LMO1: variants seen among roughly 807,000 people sequenced by gnomAD.
LMO1 encodes the protein rhombotin-1.
In LMO1, 10 loss-of-function variants were observed where a neutral mutation model predicts 18.0. That is an observed-to-expected ratio of 0.55 (90% CI 0.34 to 0.94). The LOEUF (loss-of-function observed/expected upper bound fraction) is 0.94. LMO1 is among the 40% of genes least tolerant of loss of function. The pLI, the probability that LMO1 is intolerant of heterozygous loss-of-function variation, is 0.02. For missense variants in LMO1, 183 were observed against 205.7 expected (o/e 0.89, Z 0.68); for synonymous variants, 77 against 77.9 (o/e 0.99, Z 0.06).
intron 1 of LMO1, among the ~76,000 whole-genome samples, chr11:8,244,131 G>A (rs1846846901): frequency 6.6e-6 from 1 of 152,216 alleles, no homozygotes; most frequent in Non-Finnish European, 1.5e-5. Flanking sequence ...CGGGCCTGCA[G>A]GGGCTTCACA....
rs201112752 is a variant in LMO1, at chr11:8,233,910, G to GA, written c.26-3407dup. On this transcript the variant is annotated intron_variant, in intron 1 of 3. Transcript: ENST00000335790. ...TCCTTTTAATGTACTCCTGACTTTA[G>GA]AAAAAAATGGCTTTGCGCTCCTTCA... 6.7e-3 allele frequency among the ~76,000 whole-genome samples: 1,017 copies of GA among 152,174 alleles called. 11 individuals carry two copies. Among genetic ancestry groups the GA allele is most frequent in the Non-Finnish European group, 0.012 (815 of 67,992 alleles).
intron 1 of LMO1, among the ~76,000 whole-genome samples, chr11:8,247,858 T>G (rs417210): frequency 0.34 from 51,565 of 152,112 alleles, 8,759 homozygotes; most frequent in East Asian, 0.39. Flanking sequence ...AGAAGACTTC[T>G]CAAGGTAAGG....
chr11:8,252,604 T>C (rs548350224), intron 1 of LMO1, among the ~76,000 whole-genome samples: 2 of 152,340 alleles, frequency 1.3e-5, no homozygotes, highest in East Asian at 3.9e-4. Flanking sequence ...ACACTGTCTT[T>C]CAATGGCTTT....
At chr11:8,243,539 G>T (rs542777719) in intron 1 of LMO1, among the ~76,000 whole-genome samples, 1 of 152,194 alleles carries the variant, frequency 6.6e-6, no homozygotes, top group Non-Finnish European at 1.5e-5. Context: ...GTGTCATCCC[G>T]TGTGAGAGTC....
intron 1 of LMO1, 105 bp downstream of exon 1, chr11:8,263,233 G>T: frequency 1.8e-6 from 2 of 1,092,326 alleles, no homozygotes; most frequent in Non-Finnish European, 2.4e-6. Context: ...CGCAATCCCC[G>T]CACAGCCCAG....
chr11:8,254,902 C>A (rs1303234417), intron 1 of LMO1, among the ~76,000 whole-genome samples: 2 of 152,188 alleles, frequency 1.3e-5, no homozygotes, highest in Non-Finnish European at 2.9e-5. Flanking sequence ...ATTACTCAAT[C>A]TCTTTGTACA....
chr11:8,229,641 C>G (rs1952616588), intron 2 of LMO1, among the ~76,000 whole-genome samples: 1 of 152,184 alleles, frequency 6.6e-6, no homozygotes, highest in Non-Finnish European at 1.5e-5. Flanking sequence ...AGTTAGAGCT[C>G]AGAGGAATGC....
intron 1 of LMO1, among the ~76,000 whole-genome samples, chr11:8,238,917 C>T (rs976374125): frequency 1.3e-5 from 2 of 152,212 alleles, no homozygotes; most frequent in African/African-American, 4.8e-5. Context: ...CTCATCAGAG[C>T]TCTGTATGCC....
At position 8,224,543 on chromosome 11, in the gene LMO1, G is replaced by A. The variant is rs915615556; in HGVS notation, c.*73C>T. On this transcript the variant is annotated 3_prime_UTR_variant, in exon 4 of 4. Coordinates refer to ENST00000335790, the MANE Select transcript of LMO1 (RefSeq NM_002315.3). Reference sequence around the variant, plus strand: ...GCTGGCCAGCCTGCACTGGTAGAGTGGCTGGCTGGCCGGCCAGGCAGGTGG... The same window carrying A: ...GCTGGCCAGCCTGCACTGGTAGAGTAGCTGGCTGGCCGGCCAGGCAGGTGG... 1.5e-5 allele frequency: 13 copies of A among 885,392 alleles called. No homozygotes were observed. In the South Asian group the frequency reaches 1.9e-4, roughly 13 times the overall value. 54.8% of individuals were successfully genotyped at this position (885,392 alleles called of 1,614,324 possible). A position where few individuals can be genotyped will look rare whatever the true frequency, so the allele number is the denominator to read the frequency against.
chr11:8,251,193 T>C lies in LMO1; in HGVS notation c.25+12145A>G, dbSNP rs147699552. 2.0e-3 allele frequency among the ~76,000 whole-genome samples: 302 copies of C among 152,260 alleles called. 1 individual carries two copies. The highest frequency in any genetic ancestry group is 6.9e-3 in the African/African-American group (287 of 41,554). On this transcript the variant is annotated intron_variant, in intron 1 of 3. Transcript: ENST00000335790. The stretch of plus-strand genomic sequence containing the variant: ...CAAGGTATGAAGCCAGCAGCCACCC[T>C]GGGAATGCAAATGGGGAAACCAAGA...
At chr11:8,242,882 G>A (rs1046094959) in intron 1 of LMO1, among the ~76,000 whole-genome samples, 1 of 152,248 alleles carries the variant, frequency 6.6e-6, no homozygotes, top group Non-Finnish European at 1.5e-5. Flanking sequence ...AGCACCAGGG[G>A]ATGGGAGATT....
chr11:8,251,516 C>T (rs1846992198), intron 1 of LMO1, among the ~76,000 whole-genome samples: 1 of 152,214 alleles, frequency 6.6e-6, no homozygotes, highest in Non-Finnish European at 1.5e-5. Context: ...CCCTCACCTC[C>T]TCTGCGGGTA....
chr11:8,239,405 C>T (rs1161116168), intron 1 of LMO1, among the ~76,000 whole-genome samples: 1 of 152,180 alleles, frequency 6.6e-6, no homozygotes, highest in African/African-American at 2.4e-5. Context: ...CTGGGCAGAG[C>T]CAGCAAGGGG....
At chr11:8,251,877 G>A (rs113160767) in intron 1 of LMO1, among the ~76,000 whole-genome samples, 6 of 77,864 alleles carry the variant, frequency 7.7e-5, no homozygotes, top group African/African-American at 1.4e-4. Context: ...GTGTGAGTGT[G>A]TGTGTGTATA....
upstream of LMO1, among the ~76,000 whole-genome samples, chr11:8,264,618 TC>T (rs1475227300): frequency 6.6e-6 from 1 of 151,982 alleles, no homozygotes; most frequent in Non-Finnish European, 1.5e-5. Context: ...TTCTTTTCAT[TC>T]CTTTTTCTTT....
intron 1 of LMO1, among the ~76,000 whole-genome samples, chr11:8,256,843 G>A (rs1159459229): frequency 6.6e-6 from 1 of 152,244 alleles, no homozygotes; most frequent in African/African-American, 2.4e-5. Context: ...GCATAGTTTA[G>A]TGTGATGGTC....
At chr11:8,246,867 C>T (rs1004566564) in intron 1 of LMO1, among the ~76,000 whole-genome samples, 1 of 152,154 alleles carries the variant, frequency 6.6e-6, no homozygotes, top group African/African-American at 2.4e-5. Context: ...TGGCCAGCCT[C>T]ACAGGGGGCA....
At chr11:8,253,274 G>A (rs1847035461) in intron 1 of LMO1, among the ~76,000 whole-genome samples, 1 of 152,188 alleles carries the variant, frequency 6.6e-6, no homozygotes, top group South Asian at 2.1e-4. Flanking sequence ...AGCAGGGCAA[G>A]CTTTCCAAAG....
At chr11:8,229,140 G>T (rs565194140) in intron 2 of LMO1, among the ~76,000 whole-genome samples, 1 of 151,768 alleles carries the variant, frequency 6.6e-6, no homozygotes, top group Non-Finnish European at 1.5e-5. Context: ...TGCCTGCCTC[G>T]GCCTCCCAAA....
Sources: allele counts gnomAD v4.1 joint callset (sites outside exome capture counted in the v4.1 genomes callset), GRCh38; gene constraint gnomAD v4.1.1; transcripts MANE v1.5; gene names NCBI Gene and HGNC (gene_info 2026-07-23, HGNC 2026-07-21).